The following ZNF717 variants were observed in gnomAD, a reference collection of about 807,000 sequenced individuals.
ZNF717 encodes the protein krueppel-like factor X17.
In ZNF717, 9 loss-of-function variants were observed where a neutral mutation model predicts 13.8. The observed-to-expected ratio is 0.65, with a 90% CI of 0.39 to 1.14. The LOEUF is 1.14. Among genes scored for constraint, ZNF717 ranks in the 50% most tolerant of loss-of-function variants. The pLI is 0.01. For synonymous variants in ZNF717, 327 were observed against 364.1 expected, an observed-to-expected ratio of 0.90 and a Z score of 1.16; for missense variants, 1,040 against 1,080.7, an observed-to-expected ratio of 0.96 and a Z score of 0.53.
chr3:75,753,163 C>T (rs75192642), intron 2 of ZNF717, among the ~76,000 whole-genome samples: 2 of 66,354 alleles, frequency 3.0e-5, no homozygotes, highest in Non-Finnish European at 6.3e-5. Flanking sequence ...TTTTGAATGT[C>T]TGTCCCTCAC....
Position 75,741,744 on chromosome 3 carries a change from G to C in ZNF717, c.58-8C>G. The C allele has an allele frequency of 1.3e-6, 2 of 1,568,890 alleles. No individual in the cohort carries two copies. The highest frequency in any genetic ancestry group is 1.7e-6 in the Non-Finnish European group (2 of 1,159,246). ...CTCAAAGGACACCAACTCCTGTAATGATACCAGGCTGTTGTAGGTCTCCAG... is the reference window on the plus strand; with the variant it reads ...CTCAAAGGACACCAACTCCTGTAATCATACCAGGCTGTTGTAGGTCTCCAG... On this transcript the variant is annotated splice_polypyrimidine_tract_variant and splice_region_variant and intron_variant, in intron 2 of 4. Transcript: ENST00000652011.
downstream of ZNF717, among the ~76,000 whole-genome samples, chr3:75,727,888 A>G (rs1314850657): frequency 4.6e-5 from 7 of 152,196 alleles, no homozygotes; most frequent in African/African-American, 1.7e-4. Context: ...TCATAGTCCT[A>G]CCAATGTGAT....
At chr3:75,773,016 T>G (rs571119876) in intron 2 of ZNF717, among the ~76,000 whole-genome samples, 1 of 152,224 alleles carries the variant, frequency 6.6e-6, no homozygotes, top group African/African-American at 2.4e-5. Context: ...AGGATCAGAT[T>G]TGATCCAGTA....
intron 2 of ZNF717, among the ~76,000 whole-genome samples, chr3:75,775,534 T>C (rs74281647): frequency 0.052 from 4,791 of 92,788 alleles, no homozygotes; most frequent in Admixed American, 0.069. Context: ...GTTCCCCGAT[T>C]CCCCAAGAAT....
chr3:75,749,037 A>G (rs1941435162), intron 2 of ZNF717, among the ~76,000 whole-genome samples: 1 of 151,848 alleles, frequency 6.6e-6, no homozygotes, highest in Non-Finnish European at 1.5e-5. Context: ...AGGATTCCAG[A>G]ACACTGCTAC....
At chr3:75,771,900 C>T (rs1943918215) in intron 2 of ZNF717, among the ~76,000 whole-genome samples, 1 of 152,278 alleles carries the variant, frequency 6.6e-6, no homozygotes, top group African/African-American at 2.4e-5. Flanking sequence ...CCAGAGCCCA[C>T]TCCAAATTTG....
rs796196243 is a variant in ZNF717, at chr3:75,750,915, C to T, written c.58-9179G>A. Among the ~76,000 whole-genome samples the T allele has an allele frequency of 3.3e-5, 5 of 151,120 alleles. 1 individual carries two copies. Among genetic ancestry groups the T allele is most frequent in the African/African-American group, 7.3e-5 (3 of 40,890 alleles). ...CTCATGGGATTCCAGAACACTGTTA[C>T]GAGGGTTTGAATGTTTGTCCCTCAC... On this transcript the variant is annotated intron_variant, in intron 2 of 4. Coordinates refer to ENST00000652011, the MANE Select transcript of ZNF717 (RefSeq NM_001290208.3).
At chr3:75,731,275 G>T (rs1938528096), downstream of ZNF717, among the ~76,000 whole-genome samples, 1 of 152,210 alleles carries the variant, frequency 6.6e-6, no homozygotes, top group African/African-American at 2.4e-5. Context: ...TACTTGGGAG[G>T]CTGAAGCAGA....
intron 4 of ZNF717, among the ~76,000 whole-genome samples, chr3:75,722,854 CT>C (rs1351134235): frequency 1.0e-4 from 15 of 146,058 alleles, no homozygotes; most frequent in Non-Finnish European, 4.5e-5. Context: ...TATTGTTCTT[CT>C]TCTTTGATCT....
At chr3:75,720,845 T>C (rs1938153928) in intron 4 of ZNF717, among the ~76,000 whole-genome samples, 3 of 151,984 alleles carry the variant, frequency 2.0e-5, no homozygotes, top group Admixed American at 1.3e-4. Context: ...GAAAAGAAAA[T>C]ACTCAAAATA....
Position 75,737,569 on chromosome 3 carries a change from A to T in ZNF717, c.2054T>A (p.Val685Asp). 1 of 1,544,732 alleles carries T rather than the reference A, an allele frequency of 6.5e-7. No homozygotes were observed. Among genetic ancestry groups the T allele is most frequent in the Non-Finnish European group, 8.8e-7 (1 of 1,142,494 alleles). The change falls in exon 5 of 5, where the codon GTC (valine) becomes GAC (aspartate). Residue 685 changes from valine (V) to aspartate (D), a missense_variant. Physicochemically the swap from Val to Asp is radical, Grantham distance 152. Around this residue, in one of 3 missense-constraint regions of ZNF717, gnomAD observed 873 missense variants for 832.8 expected, o/e 1.05. Transcript: ENST00000652011. ...GATGTATAATAAGGTATGATTTCTG[A>T]CAAAAAGTTTTTCCACATTCATTAC... ...MDVMNVEKLF[V>D]RNHTLLYIRE...
intron 2 of ZNF717, among the ~76,000 whole-genome samples, chr3:75,763,028 G>A (rs974639356): frequency 1.3e-4 from 20 of 152,290 alleles, no homozygotes; most frequent in Admixed American, 2.6e-4. Flanking sequence ...CTTACACCAC[G>A]TTAAAATTAA....
chr3:75,746,453 C>T (rs1941180715), intron 2 of ZNF717, among the ~76,000 whole-genome samples: 2 of 152,168 alleles, frequency 1.3e-5, no homozygotes, highest in African/African-American at 4.8e-5. Context: ...TGAGGAATCA[C>T]CACACTGTCT....
chr3:75,728,710 G>GT (rs1447773078), downstream of ZNF717, among the ~76,000 whole-genome samples: 1 of 152,240 alleles, frequency 6.6e-6, no homozygotes, highest in Non-Finnish European at 1.5e-5. Context: ...TGCCATTATT[G>GT]TAAGTTTCCT....
rs1944958409 is a variant in ZNF717, at chr3:75,783,489, C to T, written c.-2-125G>A. On this transcript the variant is annotated intron_variant, in intron 1 of 4. Transcript: ENST00000652011. Reference sequence around the variant, plus strand: ...CCTCCTCCCTCCTGAAAAAGAAAAACTTCCCCATGGGAGAAGAGTCCTTCA... The same window carrying T: ...CCTCCTCCCTCCTGAAAAAGAAAAATTTCCCCATGGGAGAAGAGTCCTTCA... The T allele has an allele frequency of 8.7e-6, 6 of 686,098 alleles. No individual in the cohort carries two copies. The Admixed American group carries it at 1.6e-4, about 18-fold the overall frequency. The allele number at this position is 686,098 out of a possible 1,614,324, so 42.5% of individuals were successfully genotyped here.
chr3:75,778,919 G>A (rs1361620936), intron 2 of ZNF717, among the ~76,000 whole-genome samples: 12 of 149,082 alleles, frequency 8.0e-5, no homozygotes, highest in African/African-American at 1.5e-4. Context: ...TGCTAAAACC[G>A]GAACCCAAAA....
rs796627485 is a variant in ZNF717, at chr3:75,752,202, C to T, written c.58-10466G>A. Reference sequence around the variant, plus strand: ...CACATAGGAATCCAGAACACTGCTACGAGGGTCTGAATGTTTTTCCCTCAC... The same window carrying T: ...CACATAGGAATCCAGAACACTGCTATGAGGGTCTGAATGTTTTTCCCTCAC... On this transcript the variant is annotated intron_variant, in intron 2 of 4. Coordinates refer to ENST00000652011, the MANE Select transcript of ZNF717 (RefSeq NM_001290208.3). Among the ~76,000 whole-genome samples, 5 of 151,466 alleles carry T rather than the reference C, an allele frequency of 3.3e-5. No individual in the cohort carries two copies. The East Asian group carries it at 7.8e-4, about 24-fold the overall frequency.
chr3:75,719,517 G>T (rs1575720951), intron 4 of ZNF717, among the ~76,000 whole-genome samples: 1 of 152,186 alleles, frequency 6.6e-6, no homozygotes, highest in African/African-American at 2.4e-5. Context: ...TCTTGACACA[G>T]ACATTGCTAT....
chr3:75,743,428 A>G (rs1214113666), intron 2 of ZNF717, among the ~76,000 whole-genome samples: 3 of 152,224 alleles, frequency 2.0e-5, no homozygotes. Context: ...AAAAGCATAT[A>G]CACTGGCATT....
Sources: allele counts gnomAD v4.1 joint callset (sites outside exome capture counted in the v4.1 genomes callset), GRCh38; gene constraint gnomAD v4.1.1; regional missense constraint gnomAD v4.1.1; transcripts MANE v1.5; gene names NCBI Gene and HGNC (gene_info 2026-07-23, HGNC 2026-07-21).